ZNF382: variants seen among roughly 807,000 people sequenced by gnomAD.
ZNF382 encodes KRAB/zinc finger suppressor protein 1.
In ZNF382, 20 loss-of-function variants were observed where a neutral mutation model predicts 38.8. That is an observed-to-expected ratio of 0.51 (90% CI 0.36 to 0.75). The LOEUF is 0.75. ZNF382 is among the 30% of genes least tolerant of loss of function. The pLI is 0.00. For missense variants in ZNF382, 546 were observed against 654.1 expected (o/e 0.83, Z 1.80); for synonymous variants, 202 against 223.1 (o/e 0.91, Z 0.84).
At chr19:36,606,407 G>A (rs759798281) in intron 1 of ZNF382, among the ~76,000 whole-genome samples, 1 of 150,682 alleles carries the variant, frequency 6.6e-6, no homozygotes, top group African/African-American at 2.4e-5. Context: ...CCAGGCTGGA[G>A]TGTAGTGGCA....
intron 4 of ZNF382, among the ~76,000 whole-genome samples, chr19:36,622,967 A>G (rs2037181478): frequency 6.6e-6 from 1 of 152,166 alleles, no homozygotes; most frequent in African/African-American, 2.4e-5. Context: ...TGTACTTGAC[A>G]TCTGTAACAT....
Position 36,626,224 on chromosome 19 carries a change from A to G in ZNF382, c.327A>G (p.Leu109=). 6.2e-7 allele frequency: 1 copy of G among 1,606,694 alleles called. No individual in the cohort carries two copies. The stretch of plus-strand genomic sequence containing the variant: ...TCATATTCATCAACCACAAAAAACT[A>G]ATTAAGGAGAGAAGTAATATTTATG... ...RPLIFINHKK[L]IKERSNIYGK... is the part of the protein sequence containing the mutation. Residue 109 remains leucine, a synonymous_variant, in exon 5 of 5, where the codon CTA becomes CTG. Transcript: ENST00000292928.
intron 4 of ZNF382, among the ~76,000 whole-genome samples, chr19:36,616,988 G>A (rs1046242159): frequency 6.6e-6 from 1 of 152,102 alleles, no homozygotes; most frequent in Non-Finnish European, 1.5e-5. Context: ...GGTGGTGAGA[G>A]GAGGAAGGAG....
At chr19:36,619,088 T>C (rs1362297755) in intron 4 of ZNF382, among the ~76,000 whole-genome samples, 1 of 152,128 alleles carries the variant, frequency 6.6e-6, no homozygotes, top group Non-Finnish European at 1.5e-5. Flanking sequence ...TCTCAAACTT[T>C]CTAGTCTTAG....
intron 4 of ZNF382, among the ~76,000 whole-genome samples, chr19:36,623,860 G>C (rs1408380701): frequency 1.3e-5 from 2 of 151,846 alleles, no homozygotes; most frequent in African/African-American, 4.8e-5. Flanking sequence ...GGAGGCCGAG[G>C]TGGGTGGATT....
chr19:36,611,621 T>C lies in ZNF382; in HGVS notation c.232+879T>C, dbSNP rs930115532. 2.0e-5 allele frequency among the ~76,000 whole-genome samples: 3 copies of C among 152,192 alleles called. 1 individual carries two copies. The South Asian group carries it at 6.2e-4, about 31-fold the overall frequency. ...TGCTATGAACATGGGTGTACAAATA[T>C]CAGTTTTAGTCCCTGCTTTCAGTTC... On this transcript the variant is annotated intron_variant, in intron 4 of 4. Transcript: ENST00000292928.
At chr19:36,624,230 A>T (rs1423776290) in intron 4 of ZNF382, among the ~76,000 whole-genome samples, 1 of 152,258 alleles carries the variant, frequency 6.6e-6, no homozygotes, top group African/African-American at 2.4e-5. Context: ...AACTGCACAT[A>T]AGTGGAATTG....
intron 4 of ZNF382, among the ~76,000 whole-genome samples, chr19:36,624,489 G>A (rs148431513): frequency 0.01 from 1,525 of 152,188 alleles, 31 homozygotes; most frequent in African/African-American, 0.035. Context: ...TCCCAAATAT[G>A]GATGGTAGTA....
Position 36,626,629 on chromosome 19 carries a change from A to C in ZNF382, c.732A>C (p.Lys244Asn), listed in dbSNP as rs1333989099. The C allele has an allele frequency of 5.6e-6, 9 of 1,614,190 alleles. No individual in the cohort carries two copies. In the East Asian group the frequency reaches 2.0e-4, roughly 36 times the overall value. ...GAGAAAGAACCTTTGAATACAATAA[A>C]GATGGAATTGCCTTCATAGAAAAGT... The part of the protein sequence containing the change: ...HRGERTFEYN[K>N]DGIAFIEKSS... The change falls in exon 5 of 5, where the codon AAA becomes AAC. Residue 244 changes from lysine to asparagine, a missense_variant. Coordinates refer to ENST00000292928, the MANE Select transcript of ZNF382 (RefSeq NM_032825.5).
At chr19:36,626,035 G>A (rs536808043) in intron 4 of ZNF382, 95 bp from the exon 5 acceptor site, 8 of 803,944 alleles carry the variant, frequency 1.0e-5, no homozygotes, top group South Asian at 7.7e-5. Context: ...TGTAGATCAC[G>A]GTAGTGAGAT....
At chr19:36,624,364 A>C (rs991914464) in intron 4 of ZNF382, among the ~76,000 whole-genome samples, 2 of 152,234 alleles carry the variant, frequency 1.3e-5, no homozygotes, top group Non-Finnish European at 2.9e-5. Context: ...TGTGTAATAC[A>C]TGACACAGTT....
chr19:36,615,870 C>G (rs2037122240), intron 4 of ZNF382, among the ~76,000 whole-genome samples: 1 of 151,840 alleles, frequency 6.6e-6, no homozygotes, highest in African/African-American at 2.4e-5. Context: ...CTAGTAAAGC[C>G]AAGTAGAATA....
At chr19:36,609,259 A>C (rs2037058535) in intron 2 of ZNF382, 1 of 152,192 alleles carries the variant, frequency 6.6e-6, no homozygotes. Context: ...GTTTATAAAT[A>C]GCTACAATGT....
At chr19:36,608,070 T>A (rs2037048543) in intron 2 of ZNF382, 1 of 156,754 alleles carries the variant, frequency 6.4e-6, no homozygotes, top group Non-Finnish European at 1.4e-5. Flanking sequence ...TGATGCTGAT[T>A]TGAGACCTAA....
chr19:36,630,106 G>A lies in ZNF382; in HGVS notation c.*2556G>A, dbSNP rs2037243791. ...TTAATAATTACAACTCAATTGAGGG[G>A]TCCATATATATTCTTTCTCATTTTC... On this transcript the variant is annotated 3_prime_UTR_variant, in exon 5 of 5. Transcript: ENST00000292928. The A allele has an allele frequency of 6.6e-6, 1 of 152,016 alleles. No homozygotes were observed. The highest frequency in any genetic ancestry group is 2.4e-5 in the African/African-American group (1 of 41,376). 9.4% of individuals were successfully genotyped at this position (152,016 alleles called of 1,614,324 possible). A position where few individuals can be genotyped will look rare whatever the true frequency, so the allele number is the denominator to read the frequency against.
At chr19:36,613,261 G>C (rs924626283) in intron 4 of ZNF382, among the ~76,000 whole-genome samples, 1 of 152,194 alleles carries the variant, frequency 6.6e-6, no homozygotes, top group African/African-American at 2.4e-5. Flanking sequence ...TTGATGAACA[G>C]AAGTTTTTAA....
chr19:36,614,279 G>A (rs2037103441), intron 4 of ZNF382, among the ~76,000 whole-genome samples: 1 of 152,166 alleles, frequency 6.6e-6, no homozygotes, highest in Admixed American at 6.5e-5. Flanking sequence ...GGCACAGGTT[G>A]CAGTGAGCCA....
At chr19:36,623,233 T>C (rs1247262824) in intron 4 of ZNF382, among the ~76,000 whole-genome samples, 1 of 152,174 alleles carries the variant, frequency 6.6e-6, no homozygotes, top group Non-Finnish European at 1.5e-5. Flanking sequence ...TAGGGGTACC[T>C]GCCAGCATTT....
At position 36,631,337 on chromosome 19, in the gene ZNF382, A is replaced by G. The variant is rs1468318811; in HGVS notation, c.*3787A>G. On this transcript the variant is annotated 3_prime_UTR_variant, in exon 5 of 5. Transcript: ENST00000292928. ...TTGTAACACAATGGTAATTATTTGTATATGTAAACCTATCTAAACACAGAA... is the reference window on the plus strand; with the variant it reads ...TTGTAACACAATGGTAATTATTTGTGTATGTAAACCTATCTAAACACAGAA... 1 of 152,122 alleles carries G rather than the reference A, an allele frequency of 6.6e-6. No homozygotes were observed. Among genetic ancestry groups the G allele is most frequent in the Non-Finnish European group, 1.5e-5 (1 of 68,022 alleles). 9.4% of individuals were successfully genotyped at this position (152,122 alleles called of 1,614,324 possible).
Sources: gnomAD v4.1 joint callset for allele counts (sites outside exome capture counted in the v4.1 genomes callset) on GRCh38, gnomAD v4.1.1 for gene constraint, MANE v1.5 for transcripts, NCBI Gene and HGNC (gene_info 2026-07-23, HGNC 2026-07-21) for gene names.